The following FSTL5 variants were observed in gnomAD, a reference collection of about 807,000 sequenced individuals.
FSTL5 encodes the protein follistatin-related protein 5.
In FSTL5, 62 loss-of-function variants were observed where a neutral mutation model predicts 89.1. That is an observed-to-expected ratio of 0.70 (90% CI 0.57 to 0.86). The LOEUF is 0.86. Among genes scored for constraint, FSTL5 ranks in the 40% least tolerant of loss-of-function variants. The pLI, the probability that FSTL5 is intolerant of heterozygous loss-of-function variation, is 0.00. For missense variants in FSTL5, 1,057 were observed against 1,001.6 expected (o/e 1.06, Z -0.75); for synonymous variants, 383 against 346.2 (o/e 1.11, Z -1.18).
intron 2 of FSTL5, 36 bp from the exon 3 acceptor site, chr4:162,033,694 A>C (rs1560982270): frequency 8.4e-7 from 1 of 1,185,844 alleles, no homozygotes; most frequent in Non-Finnish European, 1.2e-6. Context: ...AAAATATGTA[A>C]GTAAATATGT....
At position 161,662,428 on chromosome 4, in the gene FSTL5, T is replaced by A. The variant is rs142141295; in HGVS notation, c.728-5934A>T. Reference sequence around the variant, plus strand: ...CCAGGTTAGACATTTTTACCATAAATAATAGAACTATAAACATTACAAGTT... The same window carrying A: ...CCAGGTTAGACATTTTTACCATAAAAAATAGAACTATAAACATTACAAGTT... On this transcript the variant is annotated intron_variant, in intron 6 of 15. Transcript: ENST00000306100. Among the ~76,000 whole-genome samples, 916 of 152,220 alleles carry A rather than the reference T, an allele frequency of 6.0e-3. 9 individuals carry two copies. The highest frequency in any genetic ancestry group is 0.046 in the South Asian group (220 of 4,826).
chr4:161,493,975 G>A (rs550644762), intron 12 of FSTL5, among the ~76,000 whole-genome samples: 94 of 152,218 alleles, frequency 6.2e-4, no homozygotes, highest in Middle Eastern at 6.8e-3. Flanking sequence ...AAGCTTAAGA[G>A]AAACACGAAG....
intron 15 of FSTL5, among the ~76,000 whole-genome samples, chr4:161,406,961 G>T (rs1282101032): frequency 1.3e-5 from 2 of 152,038 alleles, no homozygotes; most frequent in Non-Finnish European, 2.9e-5. Context: ...TATATTCACT[G>T]TTTTTTATAT....
chr4:161,996,371 T>A (rs894658458), intron 3 of FSTL5, among the ~76,000 whole-genome samples: 45 of 152,324 alleles, frequency 3.0e-4, no homozygotes, highest in African/African-American at 1.1e-3. Context: ...TCCAGGCACT[T>A]GTGAGTCATC....
At chr4:162,149,344 C>T (rs1392624646) in intron 1 of FSTL5, among the ~76,000 whole-genome samples, 1 of 151,908 alleles carries the variant, frequency 6.6e-6, no homozygotes, top group Non-Finnish European at 1.5e-5. Flanking sequence ...TGTACCCTGC[C>T]GACCAACCAT....
intron 6 of FSTL5, among the ~76,000 whole-genome samples, chr4:161,717,687 T>C (rs915834655): frequency 6.6e-6 from 1 of 152,106 alleles, no homozygotes; most frequent in Non-Finnish European, 1.5e-5. Flanking sequence ...AACTCAATCT[T>C]TTTTTGTTCT....
At chr4:161,617,686 T>A (rs980381405) in intron 7 of FSTL5, among the ~76,000 whole-genome samples, 8 of 152,210 alleles carry the variant, frequency 5.3e-5, no homozygotes, top group Admixed American at 1.3e-4. Context: ...CACATTCCCA[T>A]TAGGGAGAAA....
intron 4 of FSTL5, among the ~76,000 whole-genome samples, chr4:161,786,158 T>A (rs1440609781): frequency 6.6e-6 from 1 of 152,058 alleles, no homozygotes; most frequent in African/African-American, 2.4e-5. Context: ...TCTATATAAT[T>A]GTAAATATTA....
intron 6 of FSTL5, among the ~76,000 whole-genome samples, chr4:161,660,201 T>G (rs1428645881): frequency 1.3e-5 from 2 of 152,296 alleles, no homozygotes; most frequent in East Asian, 3.9e-4. Context: ...TTTGATTACT[T>G]AGGGAAGTCA....
intron 6 of FSTL5, among the ~76,000 whole-genome samples, chr4:161,709,177 C>T (rs1031478336): frequency 1.3e-5 from 2 of 152,012 alleles, no homozygotes. Flanking sequence ...TGGAGGCAAC[C>T]TTTATTTTGT....
At chr4:161,764,026 T>C (rs775971604) in intron 5 of FSTL5, among the ~76,000 whole-genome samples, 4 of 152,094 alleles carry the variant, frequency 2.6e-5, no homozygotes, top group Admixed American at 6.6e-5. Flanking sequence ...CCCAAAACTA[T>C]ACTAAGTGCT....
chr4:161,582,006 T>G (rs773273885), intron 8 of FSTL5, among the ~76,000 whole-genome samples: 19 of 152,350 alleles, frequency 1.2e-4, no homozygotes, highest in Admixed American at 8.5e-4. Context: ...CTACTTTGAT[T>G]TATACATAAT....
intron 3 of FSTL5, among the ~76,000 whole-genome samples, chr4:161,932,691 T>C (rs549003771): frequency 6.6e-6 from 1 of 152,116 alleles, no homozygotes; most frequent in Non-Finnish European, 1.5e-5. Flanking sequence ...ATTTCATACT[T>C]TTCTGATGAG....
intron 6 of FSTL5, among the ~76,000 whole-genome samples, chr4:161,700,459 A>T (rs1738348028): frequency 1.3e-5 from 2 of 152,020 alleles, no homozygotes; most frequent in African/African-American, 4.8e-5. Flanking sequence ...ATGAGAGTAT[A>T]TTTTTTTCTT....
At chr4:162,140,776 C>G (rs1192549617) in intron 1 of FSTL5, among the ~76,000 whole-genome samples, 6 of 152,146 alleles carry the variant, frequency 3.9e-5, no homozygotes. Flanking sequence ...AAACAATATA[C>G]AGGTTTGACA....
intron 1 of FSTL5, among the ~76,000 whole-genome samples, chr4:162,118,200 C>A (rs1446492298): frequency 2.0e-5 from 3 of 152,088 alleles, no homozygotes; most frequent in Non-Finnish European, 2.9e-5. Context: ...TACACACCTA[C>A]TACTGTGAAC....
At chr4:161,548,104 T>C (rs1165395835) in intron 8 of FSTL5, among the ~76,000 whole-genome samples, 1 of 151,888 alleles carries the variant, frequency 6.6e-6, no homozygotes, top group Non-Finnish European at 1.5e-5. Context: ...GTTACAATTA[T>C]ATTAATTTTA....
At chr4:161,445,783 C>G (rs1732924076) in intron 15 of FSTL5, among the ~76,000 whole-genome samples, 1 of 151,866 alleles carries the variant, frequency 6.6e-6, no homozygotes, top group Non-Finnish European at 1.5e-5. Context: ...TCAATGTCAT[C>G]CTTTTCATGT....
chr4:161,502,241 T>C (rs2126487207), intron 11 of FSTL5, among the ~76,000 whole-genome samples: 1 of 152,054 alleles, frequency 6.6e-6, no homozygotes, highest in Non-Finnish European at 1.5e-5. Flanking sequence ...AAAGAGTCAG[T>C]GGGATTCCAC....
Sources: allele counts gnomAD v4.1 joint callset (sites outside exome capture counted in the v4.1 genomes callset), GRCh38; gene constraint gnomAD v4.1.1; transcripts MANE v1.5; gene names NCBI Gene and HGNC (gene_info 2026-07-23, HGNC 2026-07-21).